The following PCF11 variants were observed in gnomAD, a reference collection of about 807,000 sequenced individuals.
PCF11 encodes pre-mRNA cleavage complex 2 protein Pcf11.
Under a neutral mutation model 166.1 loss-of-function variants are expected in PCF11, and 19 were observed. The observed-to-expected ratio is 0.11, with a 90% CI of 0.08 to 0.17. The LOEUF is 0.17. Ranked by LOEUF, PCF11 falls within the 10% of genes least tolerant of loss-of-function variation. The pLI, the probability that PCF11 is intolerant of heterozygous loss-of-function variation, is 1.00. For synonymous variants in PCF11, 663 were observed against 644.1 expected, an observed-to-expected ratio of 1.03 and a Z score of -0.44; for missense variants, 1,565 against 1,855.5, an observed-to-expected ratio of 0.84 and a Z score of 2.88.
In PCF11 at chr11:83,167,719, A is replaced by T. The variant is rs1033171971; in HGVS notation, c.2092+214A>T. On this transcript the variant is annotated intron_variant, in intron 7 of 15. Transcript: ENST00000298281. This position sits in a 1 kb window ranked among gnomAD's most constrained non-coding sequence, Gnocchi z 4.2. ...ACTGATGCCTTGTTGTCTGGAATAG[A>T]ATGTGAGCCATCCAAAAGTAAACAT... The T allele has an allele frequency of 4.0e-6, 6 of 1,489,462 alleles. No homozygotes were observed. In the African/African-American group the frequency reaches 8.3e-5, roughly 21 times the overall value. 92.3% of individuals were successfully genotyped at this position (1,489,462 alleles called of 1,614,324 possible). A position where few individuals can be genotyped will look rare whatever the true frequency, so the allele number is the denominator to read the frequency against.
chr11:83,166,920 G>C (rs192225552), intron 5 of PCF11, among the ~76,000 whole-genome samples: 1 of 152,052 alleles, frequency 6.6e-6, no homozygotes, highest in Non-Finnish European at 1.5e-5. Flanking sequence ...ATCTACCTAA[G>C]GCTGCAGTCC....
intron 8 of PCF11, 127 bp from the exon 9 acceptor site, chr11:83,171,691 T>C (rs1860697338): frequency 3.0e-6 from 2 of 668,138 alleles, no homozygotes; most frequent in Admixed American, 2.8e-5. Context: ...AGCCAAGTTA[T>C]CTTTCTAAAT....
At chr11:83,169,362 G>C (rs761975020) in exon 8 of PCF11, 2 of 1,613,868 alleles carry the variant, frequency 1.2e-6, no homozygotes, top group Non-Finnish European at 1.7e-6. Context: ...TGAGGTTTGA[G>C]GGTCCTTCTG....
chr11:83,167,149 T>C lies in PCF11; in HGVS notation c.1842T>C (p.Ser614=), dbSNP rs1179482528. The change falls in exon 6 of 16, where the codon AGT becomes AGC. Residue 614 remains serine, a synonymous_variant. Coordinates refer to ENST00000298281, the Ensembl canonical transcript of PCF11. The surrounding 1 kb of genome is among the most constrained non-coding windows in gnomAD (Gnocchi z 4.2). Reference sequence around the variant, plus strand: ...GCTTACAACAGGTTGATGAACATAGTAAACCTCCTCATCTGAGGCATAGGG... The same window carrying C: ...GCTTACAACAGGTTGATGAACATAGCAAACCTCCTCATCTGAGGCATAGGG... The C allele has an allele frequency of 1.2e-6, 2 of 1,613,160 alleles. No individual in the cohort carries two copies. The highest frequency in any genetic ancestry group is 2.7e-5 in the African/African-American group (2 of 74,912).
chr11:83,163,964 C>CGAGT, intron 3 of PCF11, 97 bp downstream of exon 3: 1 of 592,702 alleles, frequency 1.7e-6, no homozygotes, highest in Non-Finnish European at 2.8e-6. Flanking sequence ...ATAGAATACT[C>CGAGT]GGTAGTGAAT....
chr11:83,163,810 AC>A lies in PCF11; in HGVS notation c.456del (p.Asn153MetfsTer2). 1.9e-6 allele frequency: 3 copies of A among 1,591,786 alleles called. No homozygotes were observed. ...ATCCTGCTTGGCCTATTAAACCTCT[AC>A]CCCCCAATGTGAATACGTCTAGCAT... On this transcript the variant is annotated frameshift_variant, in exon 3 of 16. Transcript: ENST00000298281. LOFTEE classifies it high-confidence loss of function.
At position 83,167,847 on chromosome 11, in the gene PCF11, C is replaced by T. The variant is rs1860527712; in HGVS notation, c.2092+342C>T. ...TGGGAGTCGTACTTATGCTGAGAAT[C>T]TTTCACCCCATGAGGGCCGGAGAAG... On this transcript the variant is annotated intron_variant, in intron 7 of 15. Coordinates refer to ENST00000298281, the Ensembl canonical transcript of PCF11. The surrounding 1 kb of genome is among the most constrained non-coding windows in gnomAD (Gnocchi z 4.2). 2 of 1,316,732 alleles carry T rather than the reference C, an allele frequency of 1.5e-6. No individual in the cohort carries two copies. The highest frequency in any genetic ancestry group is 2.5e-5 in the South Asian group (2 of 81,256). The allele number at this position is 1,316,732 out of a possible 1,614,324, so 81.6% of individuals were successfully genotyped here. A position where few individuals can be genotyped will look rare whatever the true frequency, so the allele number is the denominator to read the frequency against.
At chr11:83,168,454 T>G in exon 8 of PCF11, 2 of 1,606,890 alleles carry the variant, frequency 1.2e-6, no homozygotes, top group Non-Finnish European at 1.7e-6. Context: ...GAGATCTCCA[T>G]TCAATGATCG....
In PCF11 at chr11:83,167,366, AT is replaced by A. The variant is rs750433694; in HGVS notation, c.2002-42del. The A allele has an allele frequency of 5.3e-6, 8 of 1,514,586 alleles. No homozygotes were observed. Among genetic ancestry groups the A allele is most frequent in the Middle Eastern group, 1.8e-4 (1 of 5,650 alleles). 93.8% of individuals were successfully genotyped at this position (1,514,586 alleles called of 1,614,324 possible). A position where few individuals can be genotyped will look rare whatever the true frequency, so the allele number is the denominator to read the frequency against. ...ATTATCTATCGTCTATTTTTTTGGT[AT>A]TTTTTTATATTTAAAATATTTTATT... On this transcript the variant is annotated intron_variant, in intron 6 of 15. Coordinates refer to ENST00000298281, the Ensembl canonical transcript of PCF11. This position sits in a 1 kb window ranked among gnomAD's most constrained non-coding sequence, Gnocchi z 4.2.
chr11:83,182,328 T>C, intron 13 of PCF11, 71 bp from the exon 14 acceptor site: 1 of 793,324 alleles, frequency 1.3e-6, no homozygotes, highest in Non-Finnish European at 2.1e-6. Context: ...TAACAGTGTT[T>C]GTATATTTTT....
chr11:83,167,454 G>T lies in PCF11; in HGVS notation c.2041G>T (p.Asp681Tyr). Reference sequence around the variant, plus strand: ...AGCATCTGGTGAAATTACACAGGATGACTTCCTTGTTGTTGTGCATCAAAT... The same window carrying T: ...AGCATCTGGTGAAATTACACAGGATTACTTCCTTGTTGTTGTGCATCAAAT... Residue 681 changes from aspartate (D) to tyrosine (Y), a missense_variant, in exon 7 of 16, where the codon GAC becomes TAC. Physicochemically the swap from Asp to Tyr is radical, Grantham distance 160. Around this residue, in one of 12 missense-constraint regions of PCF11, gnomAD observed 26 missense variants for 63.3 expected, o/e 0.41. Transcript: ENST00000298281. This position sits in a 1 kb window ranked among gnomAD's most constrained non-coding sequence, Gnocchi z 4.2. The T allele has an allele frequency of 6.2e-7, 1 of 1,609,164 alleles. No individual in the cohort carries two copies. Among genetic ancestry groups the T allele is most frequent in the South Asian group, 1.1e-5 (1 of 90,172 alleles).
At chr11:83,171,501 C>A (rs1860689144) in intron 8 of PCF11, among the ~76,000 whole-genome samples, 1 of 152,144 alleles carries the variant, frequency 6.6e-6, no homozygotes, top group African/African-American at 2.4e-5. Context: ...CAGCTAGTTA[C>A]CTTATATTTG....
At position 83,168,002 on chromosome 11, in the gene PCF11, T is replaced by A. The variant is rs528567577; in HGVS notation, c.2093-426T>A. On this transcript the variant is annotated intron_variant, in intron 7 of 15. Coordinates refer to ENST00000298281, the Ensembl canonical transcript of PCF11. ...ATTTTTGTGACTGTTCAGATTACCA[T>A]TTTTTTTCCCATTTATTTTGTTATG... is the stretch of plus-strand genomic sequence containing the variant. The A allele has an allele frequency of 5.7e-4, 497 of 869,478 alleles. 3 individuals carry two copies. The African/African-American group carries it at 7.9e-3, about 14-fold the overall frequency. 53.9% of individuals were successfully genotyped at this position (869,478 alleles called of 1,614,324 possible).
intron 2 of PCF11, among the ~76,000 whole-genome samples, chr11:83,162,589 G>T (rs1860300664): frequency 6.6e-6 from 1 of 152,064 alleles, no homozygotes; most frequent in African/African-American, 2.4e-5. Flanking sequence ...TTGGGTGTTT[G>T]GTAGCATACC....
At chr11:83,180,901 T>C (rs1861064137) in intron 11 of PCF11, 107 bp from the exon 12 acceptor site, 1 of 588,098 alleles carries the variant, frequency 1.7e-6, no homozygotes, top group Non-Finnish European at 3.0e-6. Flanking sequence ...AGCCAGCTCT[T>C]GGTTTCACCA....
chr11:83,180,104 T>G (rs1432962907), intron 11 of PCF11: 6 of 150,416 alleles, frequency 4.0e-5, no homozygotes, highest in African/African-American at 1.5e-4. Flanking sequence ...TTTTTTTTTT[T>G]TTGAGATGGA....
chr11:83,186,165 C>G (rs547925220), exon 16 of PCF11: 1 of 152,176 alleles, frequency 6.6e-6, no homozygotes, highest in East Asian at 1.9e-4. Context: ...AAAGATACCC[C>G]CAAATTGATT....
At chr11:83,168,821 G>A (rs1217460445) in exon 8 of PCF11, 1 of 1,613,846 alleles carries the variant, frequency 6.2e-7, no homozygotes, top group Non-Finnish European at 8.5e-7. Flanking sequence ...GGACCAGTGG[G>A]GACACCTCTG....
chr11:83,168,739 G>C, exon 8 of PCF11: 1 of 1,613,910 alleles, frequency 6.2e-7, no homozygotes, highest in Non-Finnish European at 8.5e-7. Flanking sequence ...GGGGGGAGGA[G>C]GCCCTTTGAG....
Sources: gnomAD v4.1 joint callset for allele counts (sites outside exome capture counted in the v4.1 genomes callset) on GRCh38, gnomAD v4.1.1 for gene constraint, gnomAD v4.1.1 regional missense constraint, Gnocchi (gnomAD v3.1) non-coding constraint, MANE v1.5 for transcripts, NCBI Gene and HGNC (gene_info 2026-07-23, HGNC 2026-07-21) for gene names.